The following GUCY1A2 variants were observed in gnomAD, a reference collection of about 807,000 sequenced individuals.
GUCY1A2 encodes the protein guanylate cyclase 1 soluble subunit alpha 2.
Under a neutral mutation model 63.5 loss-of-function variants are expected in GUCY1A2, and 27 were observed. The observed-to-expected ratio is 0.43, with a 90% confidence interval of 0.31 to 0.59. The LOEUF (loss-of-function observed/expected upper bound fraction) is 0.59. Ranked by LOEUF, GUCY1A2 falls within the 20% of genes least tolerant of loss-of-function variation. The probability of loss-of-function intolerance (pLI) is 0.11; values close to 1 mark genes in which losing one functional copy is unlikely to be tolerated. For synonymous variants in GUCY1A2, 364 were observed against 343.5 expected, an observed-to-expected ratio of 1.06 and a Z score of -0.66; for missense variants, 768 against 913.3, an observed-to-expected ratio of 0.84 and a Z score of 2.05.
intron 1 of GUCY1A2, among the ~76,000 whole-genome samples, chr11:107,009,936 C>T (rs1382620409): frequency 6.6e-6 from 1 of 152,038 alleles, no homozygotes; most frequent in African/African-American, 2.4e-5. Flanking sequence ...TAGTTTGGGC[C>T]CCTCCCTGGA....
chr11:106,952,428 G>T (rs1239276468), intron 3 of GUCY1A2, among the ~76,000 whole-genome samples: 1 of 152,044 alleles, frequency 6.6e-6, no homozygotes, highest in Non-Finnish European at 1.5e-5. Context: ...GCAGTGGTTT[G>T]TAGTTCTCCT....
chr11:106,774,539 AATTACTGTGTCTGGGTGCTG>A (rs375733166), intron 6 of GUCY1A2, among the ~76,000 whole-genome samples: 2,430 of 151,946 alleles, frequency 0.016, 59 homozygotes, highest in African/African-American at 0.055. Flanking sequence ...AATTCTTTGG[AATTACTGTGTCTGGGTGCTG>A]ATTACTGTGT....
intron 1 of GUCY1A2, among the ~76,000 whole-genome samples, chr11:107,014,661 G>T (rs1861795896): frequency 6.6e-6 from 1 of 152,028 alleles, no homozygotes; most frequent in South Asian, 2.1e-4. Context: ...TATCCCATGG[G>T]TCAAATAACT....
chr11:106,685,403 T>C lies in GUCY1A2; in HGVS notation c.*2146A>G, dbSNP rs186408978. The C allele has an allele frequency of 1.0e-4, 22 of 217,842 alleles. No homozygotes were observed. Among genetic ancestry groups the C allele is most frequent in the Non-Finnish European group, 1.7e-4 (18 of 108,402 alleles). The allele number at this position is 217,842 out of a possible 1,614,324, so 13.5% of individuals were successfully genotyped here. A position where few individuals can be genotyped will look rare whatever the true frequency, so the allele number is the denominator to read the frequency against. ...TTCTTAAGTATGGAGATAATAAATA[T>C]GTGTTTAGAGTAGTTGCTTAGACAA... On this transcript the variant is annotated 3_prime_UTR_variant, in exon 8 of 8. Coordinates refer to ENST00000526355, the MANE Select transcript of GUCY1A2 (RefSeq NM_000855.3).
chr11:106,915,257 A>T (rs1860355148), intron 4 of GUCY1A2, among the ~76,000 whole-genome samples: 1 of 152,168 alleles, frequency 6.6e-6, no homozygotes, highest in South Asian at 2.1e-4. Context: ...AAGTAATAAT[A>T]GTAACAATGT....
intron 7 of GUCY1A2, among the ~76,000 whole-genome samples, chr11:106,706,294 A>G (rs771432504): frequency 2.6e-5 from 4 of 152,154 alleles, no homozygotes; most frequent in Non-Finnish European, 4.4e-5. Context: ...TTTACTTCAT[A>G]AATTATATTT....
chr11:106,777,037 CTT>C (rs1864369914), intron 5 of GUCY1A2, among the ~76,000 whole-genome samples: 1 of 152,134 alleles, frequency 6.6e-6, no homozygotes, highest in South Asian at 2.1e-4. Flanking sequence ...CAGGTCTGTT[CTT>C]TCTTACTCTT....
intron 5 of GUCY1A2, among the ~76,000 whole-genome samples, chr11:106,784,128 C>T (rs1864514770): frequency 6.6e-6 from 1 of 152,152 alleles, no homozygotes; most frequent in East Asian, 1.9e-4. Flanking sequence ...TTTCTTCCTC[C>T]ACCAGCATCT....
At chr11:106,821,235 T>G (rs911129716) in intron 4 of GUCY1A2, among the ~76,000 whole-genome samples, 1 of 152,204 alleles carries the variant, frequency 6.6e-6, no homozygotes, top group African/African-American at 2.4e-5. Context: ...ATGTTTTGCT[T>G]TTAGAGTCTT....
chr11:106,847,414 C>A (rs908213386), intron 4 of GUCY1A2, among the ~76,000 whole-genome samples: 1 of 151,286 alleles, frequency 6.6e-6, no homozygotes, highest in South Asian at 2.1e-4. Flanking sequence ...GGATCTTACA[C>A]ATCAAGTATC....
At chr11:106,865,198 T>C (rs1286924387) in intron 4 of GUCY1A2, among the ~76,000 whole-genome samples, 2 of 152,152 alleles carry the variant, frequency 1.3e-5, no homozygotes, top group South Asian at 2.1e-4. Flanking sequence ...GTGTTTATAG[T>C]ATTCTCTGAT....
intron 4 of GUCY1A2, among the ~76,000 whole-genome samples, chr11:106,887,778 T>C (rs552052799): frequency 6.6e-6 from 1 of 152,290 alleles, no homozygotes; most frequent in South Asian, 2.1e-4. Flanking sequence ...TGAAGATGCT[T>C]AGGTTAAATG....
intron 4 of GUCY1A2, among the ~76,000 whole-genome samples, chr11:106,861,924 G>A (rs1859518356): frequency 6.6e-6 from 1 of 151,860 alleles, no homozygotes; most frequent in Admixed American, 6.6e-5. Flanking sequence ...TAAACTAATG[G>A]TGAAAAGAGG....
intron 1 of GUCY1A2, among the ~76,000 whole-genome samples, chr11:107,002,743 A>C (rs1161189904): frequency 6.6e-6 from 1 of 152,226 alleles, no homozygotes; most frequent in Non-Finnish European, 1.5e-5. Context: ...AGCTGCCATC[A>C]TTAATATATA....
intron 4 of GUCY1A2, among the ~76,000 whole-genome samples, chr11:106,875,478 C>T (rs1179674168): frequency 6.6e-6 from 1 of 152,104 alleles, no homozygotes; most frequent in Non-Finnish European, 1.5e-5. Flanking sequence ...ATGGTTGGAT[C>T]CAGGGCTCAA....
At chr11:106,929,278 T>C (rs1270035090) in intron 4 of GUCY1A2, among the ~76,000 whole-genome samples, 4 of 152,190 alleles carry the variant, frequency 2.6e-5, no homozygotes, top group East Asian at 1.9e-4. Context: ...TCATAGATCA[T>C]AGAAATCAAG....
rs1464089860 is a variant in GUCY1A2, at chr11:106,939,868, C to T, written c.798G>A (p.Val266=). 12 of 1,614,140 alleles carry T rather than the reference C, an allele frequency of 7.4e-6. No homozygotes were observed. The highest frequency in any genetic ancestry group is 1.0e-5 in the Non-Finnish European group (12 of 1,180,012). Residue 266 remains valine (V), a synonymous_variant, in exon 4 of 8, where the codon GTG becomes GTA. Transcript: ENST00000526355. ...AAGKKIYRLD[V]EVEQVANEKL... Reference sequence around the variant, plus strand: ...TCTCATTTGCAACCTGTTCCACTTCCACATCCAGCCGATAGATCTTCTTTC... The same window carrying T: ...TCTCATTTGCAACCTGTTCCACTTCTACATCCAGCCGATAGATCTTCTTTC...
At chr11:106,936,725 T>G in intron 4 of GUCY1A2, 1 of 1,515,604 alleles carries the variant, frequency 6.6e-7, no homozygotes, top group Non-Finnish European at 8.9e-7. Context: ...TGATTTTTTT[T>G]TTTTATGGCA....
At chr11:106,731,743 C>T (rs550271031) in intron 6 of GUCY1A2, among the ~76,000 whole-genome samples, 1 of 152,196 alleles carries the variant, frequency 6.6e-6, no homozygotes, top group South Asian at 2.1e-4. Context: ...ACACCAACAA[C>T]ATCCAATCTG....
Sources: allele counts gnomAD v4.1 joint callset (sites outside exome capture counted in the v4.1 genomes callset), GRCh38; gene constraint gnomAD v4.1.1; transcripts MANE v1.5; gene names NCBI Gene and HGNC (gene_info 2026-07-23, HGNC 2026-07-21).